Variants in PPP2R5C observed in about 807,000 individuals in gnomAD.
PPP2R5C encodes protein phosphatase 2 regulatory subunit B'gamma.
A neutral mutation model predicts 68.9 loss-of-function variants in PPP2R5C; 7 were observed. That is an observed-to-expected ratio of 0.10 (90% confidence interval 0.06 to 0.19). The LOEUF is 0.19. Ranked by LOEUF, PPP2R5C falls within the 10% of genes least tolerant of loss-of-function variation. The pLI is 1.00. For missense variants in PPP2R5C, 348 were observed against 641.3 expected, an observed-to-expected ratio of 0.54 and a Z score of 4.94; for synonymous variants, 210 against 222.2, an observed-to-expected ratio of 0.95 and a Z score of 0.49.
intron 3 of PPP2R5C, among the ~76,000 whole-genome samples, chr14:101,788,706 T>C (rs1222056643): frequency 6.6e-6 from 1 of 152,236 alleles, no homozygotes; most frequent in South Asian, 2.1e-4. Flanking sequence ...TCTTGTTTGA[T>C]AATTCTCTCT....
In PPP2R5C at chr14:101,859,212, T is replaced by G. The variant is rs534325527; in HGVS notation, c.294+2327T>G. ...TCATTTTCACCTAAAGCTTTCATTTTCACGTGGGAGACAACCATAAAATAA... is the reference window on the plus strand; with the variant it reads ...TCATTTTCACCTAAAGCTTTCATTTGCACGTGGGAGACAACCATAAAATAA... On this transcript the variant is annotated intron_variant, in intron 2 of 13. Transcript: ENST00000334743. Among the ~76,000 whole-genome samples, 250 of 152,348 alleles carry G rather than the reference T, an allele frequency of 1.6e-3. 4 individuals carry two copies. The highest frequency in any genetic ancestry group is 0.014 in the Middle Eastern group (4 of 294).
intron 1 of PPP2R5C, among the ~76,000 whole-genome samples, chr14:101,827,696 G>GT (rs1381655341): frequency 6.6e-6 from 1 of 152,162 alleles, no homozygotes; most frequent in African/African-American, 2.4e-5. Flanking sequence ...AAATTATCTC[G>GT]TTTTGGGAAA....
At chr14:101,841,817 G>A (rs1453877190) in intron 1 of PPP2R5C, among the ~76,000 whole-genome samples, 1 of 152,228 alleles carries the variant, frequency 6.6e-6, no homozygotes, top group Non-Finnish European at 1.5e-5. Flanking sequence ...GGGCCAGGTG[G>A]ACAGCCAGGA....
intron 5 of PPP2R5C, among the ~76,000 whole-genome samples, chr14:101,887,946 C>T (rs759062453): frequency 1.3e-5 from 2 of 152,116 alleles, no homozygotes; most frequent in Non-Finnish European, 2.9e-5. Context: ...CTCTGTTTCC[C>T]TCCCAGGGTG....
intron 2 of PPP2R5C, among the ~76,000 whole-genome samples, chr14:101,764,036 C>T (rs868756673): frequency 1.5e-5 from 2 of 136,060 alleles, no homozygotes; most frequent in East Asian, 2.6e-4. Context: ...TGTGGGCGCG[C>T]GCACTTGCGC....
intron 1 of PPP2R5C, among the ~76,000 whole-genome samples, chr14:101,853,657 A>G (rs2042273720): frequency 6.6e-6 from 1 of 152,166 alleles, no homozygotes; most frequent in Non-Finnish European, 1.5e-5. Context: ...CAGTTCCCTG[A>G]AAAGGGTACA....
intron 1 of PPP2R5C, among the ~76,000 whole-genome samples, chr14:101,762,564 C>T (rs1423536088): frequency 6.6e-6 from 1 of 152,108 alleles, no homozygotes; most frequent in Non-Finnish European, 1.5e-5. Flanking sequence ...TCATTATCAC[C>T]CCAGAAATCC....
chr14:101,858,273 AAT>A (rs2042545554), intron 2 of PPP2R5C, among the ~76,000 whole-genome samples: 1 of 152,084 alleles, frequency 6.6e-6, no homozygotes, highest in African/African-American at 2.4e-5. Context: ...AAAAATCTCT[AAT>A]ATTTTCTCCT....
chr14:101,820,871 A>G (rs2040010803), intron 1 of PPP2R5C: 1 of 152,204 alleles, frequency 6.6e-6, no homozygotes, highest in African/African-American at 2.4e-5. Flanking sequence ...ATAAGTAAAT[A>G]TTTTTAAAAT....
chr14:101,916,188 T>C lies in PPP2R5C; in HGVS notation c.1327-1643T>C, dbSNP rs2046658393. ...CGCAGCATGGATGGAGTGCTGGGGC[T>C]GTCGGGGTAGGGTGTGGAGATGTGT... On this transcript the variant is annotated intron_variant, in intron 12 of 13. Coordinates refer to ENST00000334743, the Ensembl canonical transcript of PPP2R5C. The surrounding 1 kb of genome is among the most constrained non-coding windows in gnomAD (Gnocchi z 5.5). Among the ~76,000 whole-genome samples the C allele has an allele frequency of 6.6e-6, 1 of 152,190 alleles. No homozygotes were observed. The highest frequency in any genetic ancestry group is 1.5e-5 in the Non-Finnish European group (1 of 68,014).
chr14:101,888,026 A>G lies in PPP2R5C; in HGVS notation c.630-2211A>G, dbSNP rs762309817. 6.6e-6 allele frequency among the ~76,000 whole-genome samples: 1 copy of G among 152,206 alleles called. No individual in the cohort carries two copies. Among genetic ancestry groups the G allele is most frequent in the Non-Finnish European group, 1.5e-5 (1 of 68,034 alleles). On this transcript the variant is annotated intron_variant, in intron 5 of 13. Transcript: ENST00000334743. The surrounding 1 kb of genome is among the most constrained non-coding windows in gnomAD (Gnocchi z 5.6). ...TCCTTATTTCTTCTTTCTTCTGCCTACATCAAAGCAGGTTTAAAAAATTAG... is the reference window on the plus strand; with the variant it reads ...TCCTTATTTCTTCTTTCTTCTGCCTGCATCAAAGCAGGTTTAAAAAATTAG...
chr14:101,785,315 A>G (rs902436554), intron 2 of PPP2R5C, among the ~76,000 whole-genome samples: 2 of 152,196 alleles, frequency 1.3e-5, no homozygotes, highest in Non-Finnish European at 2.9e-5. Flanking sequence ...TCCAAAGAGC[A>G]TAAACTTACT....
chr14:101,843,131 G>A (rs2041602364), intron 1 of PPP2R5C, among the ~76,000 whole-genome samples: 1 of 152,110 alleles, frequency 6.6e-6, no homozygotes, highest in Non-Finnish European at 1.5e-5. Flanking sequence ...GGGAGGCTGG[G>A]GTGGGAGGAT....
At chr14:101,810,356 G>C (rs903188333) in intron 1 of PPP2R5C, 10 of 241,858 alleles carry the variant, frequency 4.1e-5, no homozygotes, top group Non-Finnish European at 7.3e-5. Flanking sequence ...GGTATTGGGT[G>C]GGGGTAGGAA....
At chr14:101,762,162 C>G (rs1013207868) in intron 1 of PPP2R5C, among the ~76,000 whole-genome samples, 30 of 151,482 alleles carry the variant, frequency 2.0e-4, no homozygotes, top group African/African-American at 7.0e-4. Flanking sequence ...GCCGCTGGGA[C>G]CTTCGTGATG....
chr14:101,765,255 C>A, intron 2 of PPP2R5C: 1 of 702,762 alleles, frequency 1.4e-6, no homozygotes, highest in South Asian at 1.5e-5. Flanking sequence ...CCAGAGGCAA[C>A]CTGGCATATT....
At chr14:101,784,706 C>CA (rs1334404302) in intron 2 of PPP2R5C, among the ~76,000 whole-genome samples, 2 of 152,206 alleles carry the variant, frequency 1.3e-5, no homozygotes, top group African/African-American at 2.4e-5. Context: ...CAGAGAGTGA[C>CA]AGCCTTTTTA....
At chr14:101,760,611 G>T, upstream of PPP2R5C, 1 of 780,508 alleles carries the variant, frequency 1.3e-6, no homozygotes, top group Middle Eastern at 6.6e-4. Flanking sequence ...GAAAGGACGG[G>T]ACTGTCGGGT....
rs746679360 is a variant in PPP2R5C, at chr14:101,901,802, A to G, written c.936A>G (p.Leu312=). Reference sequence around the variant, plus strand: ...TCTTAAACGAATTAGAAGAGATTTTAGATGTCATTGAACCATCAGAATTTG... The same window carrying G: ...TCTTAAACGAATTAGAAGAGATTTTGGATGTCATTGAACCATCAGAATTTG... Residue 312 remains leucine, a synonymous_variant, in exon 9 of 14, where the codon TTA becomes TTG. Coordinates refer to ENST00000334743, the Ensembl canonical transcript of PPP2R5C. 16 of 1,613,990 alleles carry G rather than the reference A, an allele frequency of 9.9e-6. No homozygotes were observed. The South Asian group carries it at 1.6e-4, about 17-fold the overall frequency.
Sources: allele counts gnomAD v4.1 joint callset (sites outside exome capture counted in the v4.1 genomes callset), GRCh38; gene constraint gnomAD v4.1.1; non-coding constraint Gnocchi (gnomAD v3.1); transcripts MANE v1.5; gene names NCBI Gene and HGNC (gene_info 2026-07-23, HGNC 2026-07-21).